Variants in SEZ6L2 observed in about 807,000 individuals in gnomAD.
The protein encoded by SEZ6L2 is seizure related 6 homolog like 2.
SEZ6L2 carries 44 observed loss-of-function variants against 97.0 expected under a neutral mutation model. The ratio of observed to expected loss-of-function variants is 0.45; its 90% confidence interval spans 0.36 to 0.58. The LOEUF is 0.58. Among genes scored for constraint, SEZ6L2 ranks in the 20% least tolerant of loss-of-function variants. SEZ6L2 has a pLI of 0.00. For synonymous variants in SEZ6L2, 543 were observed against 546.1 expected, an observed-to-expected ratio of 0.99 and a Z score of 0.08; for missense variants, 1,086 against 1,233.3, an observed-to-expected ratio of 0.88 and a Z score of 1.79.
At position 29,876,718 on chromosome 16, in the gene SEZ6L2, GGGGCGGGGCCGAGGGGACGC is replaced by G. The variant is rs757417639; in HGVS notation, c.2104+18_2104+37del. 4.7e-5 allele frequency: 71 copies of G among 1,497,784 alleles called. 2 individuals carry two copies. The highest frequency in any genetic ancestry group is 3.6e-4 in the African/African-American group (26 of 72,430). 92.8% of individuals were successfully genotyped at this position (1,497,784 alleles called of 1,614,324 possible). A position where few individuals can be genotyped will look rare whatever the true frequency, so the allele number is the denominator to read the frequency against. On this transcript the variant is annotated intron_variant, in intron 12 of 17. Coordinates refer to ENST00000617533, the MANE Select transcript of SEZ6L2 (RefSeq NM_001243332.2). This position sits in a 1 kb window ranked among gnomAD's most constrained non-coding sequence, Gnocchi z 6.5. ...GGCCGACGACGGGGCCCACAGGGAAGGGGCGGGGCCGAGGGGACGCGGGCGGGGCCGGCTCACTCTTTTGG... is the reference window on the plus strand; with the variant it reads ...GGCCGACGACGGGGCCCACAGGGAAGGGGCGGGGCCGGCTCACTCTTTTGG...
chr16:29,897,696 A>G (rs1460420867), intron 2 of SEZ6L2, among the ~76,000 whole-genome samples, 157 bp downstream of exon 2: 1 of 152,034 alleles, frequency 6.6e-6, no homozygotes, highest in Non-Finnish European at 1.5e-5. Flanking sequence ...ACTTTCTCTG[A>G]CAGTCTCGTT....
chr16:29,879,938 G>A lies in SEZ6L2; in HGVS notation c.1499C>T (p.Pro500Leu). The A allele has an allele frequency of 6.2e-7, 1 of 1,613,934 alleles. No homozygotes were observed. Among genetic ancestry groups the A allele is most frequent in the Non-Finnish European group, 8.5e-7 (1 of 1,179,848 alleles). Reference sequence around the variant, plus strand: ...ACATTCGATGGCATTGGGGGGCCCAGGGGGCTCCAGGGCATATCCTGGGAG... The same window carrying A: ...ACATTCGATGGCATTGGGGGGCCCAAGGGGCTCCAGGGCATATCCTGGGAG... The part of the protein sequence containing the change: ...SCLPGYALEP[P>L]GPPNAIECVD... The change falls in exon 9 of 18, where the codon CCT becomes CTT. Residue 500 changes from proline (P) to leucine (L), a missense_variant. Physicochemically the swap from Pro to Leu is moderately conservative, Grantham distance 98. This residue lies in a region of SEZ6L2 where 776 missense variants were observed against 794.7 expected (regional missense o/e 0.98). Coordinates refer to ENST00000617533, the MANE Select transcript of SEZ6L2 (RefSeq NM_001243332.2).
chr16:29,898,661 G>A (rs968139309), intron 1 of SEZ6L2, among the ~76,000 whole-genome samples: 10 of 152,176 alleles, frequency 6.6e-5, no homozygotes, highest in Admixed American at 3.3e-4. Flanking sequence ...TGCTTCTGCC[G>A]CCTCCGCAGA....
Position 29,880,761 on chromosome 16 carries a change from T to G in SEZ6L2, c.1373-697A>C, listed in dbSNP as rs556445489. On this transcript the variant is annotated intron_variant, in intron 8 of 17. Coordinates refer to ENST00000617533, the MANE Select transcript of SEZ6L2 (RefSeq NM_001243332.2). ...CATGAGTCACTGCGCCCAGCCTGGG[T>G]TTTTTTTTAATTTTTTTAGAGACAG... Among the ~76,000 whole-genome samples, 149 of 147,428 alleles carry G rather than the reference T, an allele frequency of 1.0e-3. 1 individual carries two copies. The highest frequency in any genetic ancestry group is 3.2e-3 in the African/African-American group (127 of 39,412).
intron 8 of SEZ6L2, among the ~76,000 whole-genome samples, chr16:29,880,384 G>A (rs1044693917): frequency 7.3e-5 from 11 of 151,572 alleles, no homozygotes; most frequent in African/African-American, 2.7e-4. Context: ...GGAGTGCAAT[G>A]GCACAATCTT....
rs2067793920 is a variant in SEZ6L2 at position 29,872,043 on chromosome 16, T to C, written c.2742+144A>G. ...CTCACCACTCCCTATTGTATACACA[T>C]GGCTTGCTATGCTCATTGACATGGC... is the stretch of plus-strand genomic sequence containing the variant. On this transcript the variant is annotated intron_variant, in intron 17 of 17. Coordinates refer to ENST00000617533, the MANE Select transcript of SEZ6L2 (RefSeq NM_001243332.2). 1.0e-5 allele frequency: 7 copies of C among 683,766 alleles called. No homozygotes were observed. The South Asian group carries it at 1.3e-4, about 13-fold the overall frequency. The allele number at this position is 683,766 out of a possible 1,614,324, so 42.4% of individuals were successfully genotyped here. A position where few individuals can be genotyped will look rare whatever the true frequency, so the allele number is the denominator to read the frequency against.
intron 9 of SEZ6L2, among the ~76,000 whole-genome samples, chr16:29,878,689 A>T (rs1399526605): frequency 2.7e-5 from 4 of 149,724 alleles, no homozygotes; most frequent in African/African-American, 9.9e-5. Flanking sequence ...GGTTCACGCC[A>T]TTCTCCTGCC....
intron 8 of SEZ6L2, among the ~76,000 whole-genome samples, chr16:29,884,316 A>G (rs1245338832): frequency 6.6e-6 from 1 of 151,956 alleles, no homozygotes; most frequent in African/African-American, 2.4e-5. Flanking sequence ...TATGGGCTGG[A>G]GGAGGTGGCT....
intron 4 of SEZ6L2, 51 bp downstream of exon 4, chr16:29,895,670 C>T: frequency 6.3e-7 from 1 of 1,580,230 alleles, no homozygotes; most frequent in Non-Finnish European, 8.6e-7. Flanking sequence ...CACCCACAGC[C>T]CAGAGGAAAA....
intron 1 of SEZ6L2, 92 bp from the exon 2 acceptor site, chr16:29,898,076 T>A (rs2068445402): frequency 1.3e-6 from 2 of 1,560,664 alleles, no homozygotes; most frequent in Non-Finnish European, 1.7e-6. Context: ...CCCTCCTCCA[T>A]CAGCTGGGCC....
Position 29,877,327 on chromosome 16 carries a change from G to C in SEZ6L2, c.1853C>G (p.Ala618Gly). 6.2e-7 allele frequency: 1 copy of C among 1,612,428 alleles called. No homozygotes were observed. The highest frequency in any genetic ancestry group is 8.5e-7 in the Non-Finnish European group (1 of 1,179,310). Residue 618 changes from alanine to glycine, a missense_variant, in exon 11 of 18, where the codon GCA becomes GGA. Physicochemically the swap from Ala to Gly is moderately conservative, Grantham distance 60. This residue lies in a region of SEZ6L2 where 310 missense variants were observed against 438.6 expected (regional missense o/e 0.71). Transcript: ENST00000617533. Reference sequence around the variant, plus strand: ...GCCTGGATTTGGGGGCCCGGGCGGTGCCTGAAACTGCAGTGTGAGGTCGGG... The same window carrying C: ...GCCTGGATTTGGGGGCCCGGGCGGTCCCTGAAACTGCAGTGTGAGGTCGGG... ...SGPDLTLQFQAPPGPPNPGLG... is the reference protein window; with the variant it reads ...SGPDLTLQFQGPPGPPNPGLG...
intron 5 of SEZ6L2, among the ~76,000 whole-genome samples, chr16:29,895,021 T>C (rs146344226): frequency 0.013 from 1,984 of 151,654 alleles, 16 homozygotes; most frequent in Non-Finnish European, 0.021. Context: ...CTACTAAAAA[T>C]ACAAAAAATT....
Position 29,879,953 on chromosome 16 carries a change from T to A in SEZ6L2, c.1484A>T (p.Tyr495Phe), listed in dbSNP as rs774144565. The change falls in exon 9 of 18, where the codon TAT (tyrosine) becomes TTT (phenylalanine). Residue 495 changes from tyrosine (Y) to phenylalanine (F), a missense_variant. Tyr to Phe is a conservative substitution (Grantham distance 22, BLOSUM62 3). This residue lies in a region of SEZ6L2 where 776 missense variants were observed against 794.7 expected (regional missense o/e 0.98). Transcript: ENST00000617533. ...ALATFSCLPG[Y>F]ALEPPGPPNA... ...GGGGGGCCCAGGGGGCTCCAGGGCATATCCTGGGAGGCACGAGAAGGTTGC... is the reference window on the plus strand; with the variant it reads ...GGGGGGCCCAGGGGGCTCCAGGGCAAATCCTGGGAGGCACGAGAAGGTTGC... 6.2e-6 allele frequency: 10 copies of A among 1,614,142 alleles called. No individual in the cohort carries two copies. The South Asian group carries it at 9.9e-5, about 16-fold the overall frequency.
chr16:29,887,395 G>T (rs1366062463), intron 7 of SEZ6L2, among the ~76,000 whole-genome samples: 2 of 150,492 alleles, frequency 1.3e-5, no homozygotes, highest in Non-Finnish European at 1.5e-5. Context: ...CTGCCTCCCG[G>T]GTTCACGCCA....
Position 29,876,070 on chromosome 16 carries a change from A to G in SEZ6L2, c.2104+686T>C, listed in dbSNP as rs1053892583. The stretch of plus-strand genomic sequence containing the variant: ...GCAGCATGCGCCCTGTGAACTTTCC[A>G]TCTGCTCTTCACAACCTCAGTCCTA... On this transcript the variant is annotated intron_variant, in intron 12 of 17. Coordinates refer to ENST00000617533, the MANE Select transcript of SEZ6L2 (RefSeq NM_001243332.2). The surrounding 1 kb of genome is among the most constrained non-coding windows in gnomAD (Gnocchi z 6.5). 6.6e-6 allele frequency among the ~76,000 whole-genome samples: 1 copy of G among 151,996 alleles called. No individual in the cohort carries two copies. The highest frequency in any genetic ancestry group is 1.5e-5 in the Non-Finnish European group (1 of 68,000).
chr16:29,896,421 AG>A (rs1314400890), intron 3 of SEZ6L2, among the ~76,000 whole-genome samples: 3 of 152,154 alleles, frequency 2.0e-5, no homozygotes, highest in African/African-American at 7.2e-5. Context: ...CTGGGATTAC[AG>A]GCATGCGCCA....
At chr16:29,889,239 G>T (rs933654856) in intron 5 of SEZ6L2, among the ~76,000 whole-genome samples, 4 of 152,004 alleles carry the variant, frequency 2.6e-5, no homozygotes, top group African/African-American at 9.7e-5. Flanking sequence ...TCAGGAGTTC[G>T]AGACCAGCCT....
Position 29,899,417 on chromosome 16 carries a change from G to T in SEZ6L2, c.-398C>A. The T allele has an allele frequency of 5.4e-6, 1 of 185,218 alleles. No individual in the cohort carries two copies. Among genetic ancestry groups the T allele is most frequent in the Non-Finnish European group, 1.0e-5 (1 of 98,384 alleles). 11.5% of individuals were successfully genotyped at this position (185,218 alleles called of 1,614,324 possible). ...GGGAGGAGAAAGACAGCTTCTGGGG[G>T]TTTAGGGTGGGGTCGAGGATCGAGG... On this transcript the variant is annotated 5_prime_UTR_variant, in exon 1 of 18. Coordinates refer to ENST00000617533, the MANE Select transcript of SEZ6L2 (RefSeq NM_001243332.2).
At chr16:29,898,446 T>TCTCC (rs1491567427) in intron 1 of SEZ6L2, among the ~76,000 whole-genome samples, 1 of 147,976 alleles carries the variant, frequency 6.8e-6, no homozygotes, top group African/African-American at 2.6e-5. Flanking sequence ...TCTCTCTCTC[T>TCTCC]CCCCCCCACC....
Sources: allele counts gnomAD v4.1 joint callset (sites outside exome capture counted in the v4.1 genomes callset), GRCh38; gene constraint gnomAD v4.1.1; regional missense constraint gnomAD v4.1.1; non-coding constraint Gnocchi (gnomAD v3.1); transcripts MANE v1.5; gene names NCBI Gene and HGNC (gene_info 2026-07-23, HGNC 2026-07-21).